The following NRXN1 variants were observed in gnomAD, a reference collection of about 807,000 sequenced individuals.
NRXN1 encodes neurexin 1.
NRXN1 carries 39 observed loss-of-function variants against 150.9 expected under a neutral mutation model. That is an observed-to-expected ratio of 0.26 (90% CI 0.20 to 0.34). The LOEUF is 0.34. Among genes scored for constraint, NRXN1 ranks in the 10% least tolerant of loss-of-function variants. NRXN1 has a pLI of 1.00. For missense variants in NRXN1, 1,815 were observed against 1,949.9 expected, an observed-to-expected ratio of 0.93 and a Z score of 1.30; for synonymous variants, 924 against 757.0, an observed-to-expected ratio of 1.22 and a Z score of -3.62.
chr2:50,591,729 C>A (rs1408162504), intron 8 of NRXN1, among the ~76,000 whole-genome samples: 1 of 152,184 alleles, frequency 6.6e-6, no homozygotes, highest in Non-Finnish European at 1.5e-5. Context: ...TGACCCCTAT[C>A]TGGGACAGCA....
chr2:50,108,441 C>A (rs1316517552), intron 18 of NRXN1, among the ~76,000 whole-genome samples: 1 of 152,030 alleles, frequency 6.6e-6, no homozygotes, highest in Admixed American at 6.6e-5. Context: ...CACAAATTTG[C>A]ACAGTCACTG....
intron 17 of NRXN1, among the ~76,000 whole-genome samples, chr2:50,279,861 G>A (rs1474555803): frequency 2.0e-5 from 3 of 152,104 alleles, no homozygotes; most frequent in Non-Finnish European, 2.9e-5. Context: ...TTATCTCAGA[G>A]GGGTACAAAA....
At chr2:49,932,967 C>T (rs907843585) in intron 22 of NRXN1, among the ~76,000 whole-genome samples, 9 of 152,176 alleles carry the variant, frequency 5.9e-5, no homozygotes, top group Non-Finnish European at 1.2e-4. Flanking sequence ...ATTTTATATA[C>T]TCAGTGTGTC....
intron 2 of NRXN1, among the ~76,000 whole-genome samples, chr2:51,011,031 C>T (rs1028193805): frequency 2.6e-5 from 4 of 152,034 alleles, no homozygotes; most frequent in Non-Finnish European, 4.4e-5. Context: ...ACTTCAGCCT[C>T]CCAAAGTGCT....
intron 16 of NRXN1, among the ~76,000 whole-genome samples, chr2:50,466,748 G>A (rs2104657475): frequency 6.6e-6 from 1 of 151,846 alleles, no homozygotes; most frequent in East Asian, 1.9e-4. Context: ...GACATGTAAT[G>A]AAGGAAAATT....
chr2:50,673,398 A>T (rs1254257924), intron 5 of NRXN1, among the ~76,000 whole-genome samples: 2 of 152,130 alleles, frequency 1.3e-5, no homozygotes, highest in Non-Finnish European at 2.9e-5. Flanking sequence ...TTAAAGTTAT[A>T]ATTTACAGCA....
At chr2:50,181,486 G>T (rs1340456247) in intron 18 of NRXN1, among the ~76,000 whole-genome samples, 1 of 152,090 alleles carries the variant, frequency 6.6e-6, no homozygotes, top group Non-Finnish European at 1.5e-5. Context: ...AGTCTGCTTT[G>T]TAGTGGCCTC....
chr2:49,961,745 TCTA>T (rs1251492003), intron 21 of NRXN1, among the ~76,000 whole-genome samples: 1 of 152,228 alleles, frequency 6.6e-6, no homozygotes, highest in Non-Finnish European at 1.5e-5. Flanking sequence ...TAAATGCTCT[TCTA>T]CTCTTTAATA....
chr2:50,329,684 T>G (rs1482996357), intron 17 of NRXN1, among the ~76,000 whole-genome samples: 2 of 86,506 alleles, frequency 2.3e-5, no homozygotes, highest in African/African-American at 4.2e-5. Flanking sequence ...TTTTTTTTTT[T>G]CCCCCCCGAG....
At chr2:50,606,477 T>C (rs188833314) in intron 8 of NRXN1, among the ~76,000 whole-genome samples, 3 of 151,804 alleles carry the variant, frequency 2.0e-5, no homozygotes, top group Admixed American at 6.6e-5. Flanking sequence ...TCAATAATTA[T>C]AAAATTTCAT....
intron 5 of NRXN1, among the ~76,000 whole-genome samples, chr2:50,835,810 T>G (rs1172808740): frequency 5.9e-5 from 9 of 152,212 alleles, no homozygotes; most frequent in Non-Finnish European, 1.5e-5. Context: ...CAGAATCTGA[T>G]GAGACTGATA....
chr2:50,461,518 C>T (rs2088210242), intron 17 of NRXN1, among the ~76,000 whole-genome samples: 1 of 151,956 alleles, frequency 6.6e-6, no homozygotes, highest in Non-Finnish European at 1.5e-5. Context: ...CTATTCCGGA[C>T]CACTGGGTAA....
chr2:50,167,979 A>T (rs1288687985), intron 18 of NRXN1, among the ~76,000 whole-genome samples: 3 of 152,204 alleles, frequency 2.0e-5, no homozygotes, highest in Non-Finnish European at 4.4e-5. Context: ...TTGCTCTGAA[A>T]TAAAAATGTT....
chr2:50,609,650 T>C (rs924807755), intron 8 of NRXN1, among the ~76,000 whole-genome samples: 26 of 152,168 alleles, frequency 1.7e-4, no homozygotes, highest in African/African-American at 5.8e-4. Context: ...TGTCTGATTC[T>C]AAAGCCATTC....
intron 17 of NRXN1, among the ~76,000 whole-genome samples, chr2:50,401,071 C>G (rs916223578): frequency 6.6e-5 from 10 of 152,066 alleles, no homozygotes; most frequent in Admixed American, 2.6e-4. Flanking sequence ...ACCAATGTAA[C>G]ATTTCAAATT....
At chr2:50,172,693 C>T (rs1031987053) in intron 18 of NRXN1, among the ~76,000 whole-genome samples, 3 of 151,966 alleles carry the variant, frequency 2.0e-5, no homozygotes, top group African/African-American at 7.3e-5. Flanking sequence ...CCTGGCCAGC[C>T]ACAGAGGCTG....
chr2:50,829,331 T>C, intron 5 of NRXN1: 1 of 690,314 alleles, frequency 1.4e-6, no homozygotes, highest in East Asian at 2.7e-5. Context: ...GGTTTCTCCA[T>C]GTTGATCAGG....
intron 2 of NRXN1, among the ~76,000 whole-genome samples, chr2:50,938,375 C>A (rs1048955873): frequency 6.6e-6 from 1 of 151,930 alleles, no homozygotes; most frequent in Non-Finnish European, 1.5e-5. Flanking sequence ...CGCTGTTATG[C>A]CACACCTGAC....
chr2:50,924,734 T>G (rs959053523), intron 3 of NRXN1, among the ~76,000 whole-genome samples: 7 of 151,884 alleles, frequency 4.6e-5, no homozygotes, highest in Admixed American at 4.6e-4. Context: ...TTTAAAGTTT[T>G]AATCTATTTT....
Sources: allele counts gnomAD v4.1 joint callset (sites outside exome capture counted in the v4.1 genomes callset), GRCh38; gene constraint gnomAD v4.1.1; transcripts MANE v1.5; gene names NCBI Gene and HGNC (gene_info 2026-07-23, HGNC 2026-07-21).